Variants in RHOBTB3 observed in about 807,000 individuals in gnomAD.
RHOBTB3 encodes rho-related BTB domain-containing protein 3.
In RHOBTB3, 47 loss-of-function variants were observed where a neutral mutation model predicts 67.2. That is an observed-to-expected ratio of 0.70 (90% confidence interval 0.55 to 0.89). RHOBTB3 has a LOEUF of 0.89. RHOBTB3 is among the 40% of genes least tolerant of loss of function. The probability of loss-of-function intolerance (pLI) is 0.00; values close to 1 mark genes in which losing one functional copy is unlikely to be tolerated. For missense variants in RHOBTB3, 631 were observed against 750.0 expected, an observed-to-expected ratio of 0.84 and a Z score of 1.85; for synonymous variants, 273 against 274.2, an observed-to-expected ratio of 1.00 and a Z score of 0.04.
At chr5:95,745,524 G>T (rs770526665) in intron 3 of RHOBTB3, among the ~76,000 whole-genome samples, 1 of 152,034 alleles carries the variant, frequency 6.6e-6, no homozygotes, top group Non-Finnish European at 1.5e-5. Flanking sequence ...TAGAATTTTT[G>T]AAAAGAATTT....
At chr5:95,743,354 C>G (rs1483842051) in intron 3 of RHOBTB3, among the ~76,000 whole-genome samples, 9 of 152,102 alleles carry the variant, frequency 5.9e-5, no homozygotes, top group Admixed American at 5.9e-4. Context: ...CACCCAGGAT[C>G]AACAGGCTTG....
chr5:95,751,049 T>C (rs1050826360), intron 4 of RHOBTB3, among the ~76,000 whole-genome samples: 1 of 152,216 alleles, frequency 6.6e-6, no homozygotes, highest in Non-Finnish European at 1.5e-5. Flanking sequence ...TATTTAGGTG[T>C]GTGGTGGGTG....
At chr5:95,740,040 G>A (rs546254978) in intron 3 of RHOBTB3, among the ~76,000 whole-genome samples, 34 of 152,224 alleles carry the variant, frequency 2.2e-4, no homozygotes, top group African/African-American at 5.3e-4. Context: ...TCATGGGAGC[G>A]GGTTTTTCCT....
At position 95,769,689 on chromosome 5, in the gene RHOBTB3, G is replaced by A. The variant is rs114649656; in HGVS notation, c.1282+1523G>A. ...TTTTTGCATATCTTATTAATGTATC[G>A]AATAATTAGGCTAAATTTTTGCATA... On this transcript the variant is annotated intron_variant, in intron 8 of 11. Transcript: ENST00000379982. 956 of 169,982 alleles carry A rather than the reference G, an allele frequency of 5.6e-3. 5 individuals are homozygous for A. The highest frequency in any genetic ancestry group is 0.018 in the South Asian group (122 of 6,778). 10.5% of individuals were successfully genotyped at this position (169,982 alleles called of 1,614,324 possible).
chr5:95,726,337 T>G (rs1755051016), upstream of RHOBTB3, among the ~76,000 whole-genome samples: 1 of 152,246 alleles, frequency 6.6e-6, no homozygotes, highest in Admixed American at 6.5e-5. Context: ...CAGAAGAGAC[T>G]TTGTAGCATT....
intron 8 of RHOBTB3, among the ~76,000 whole-genome samples, chr5:95,771,435 C>T (rs551310934): frequency 2.6e-5 from 4 of 152,264 alleles, no homozygotes; most frequent in East Asian, 3.9e-4. Flanking sequence ...ATGTACCTTC[C>T]GACAAGCCAC....
At chr5:95,784,109 CA>C (rs1746149845) in intron 10 of RHOBTB3, 146 bp downstream of exon 10, 11 of 611,636 alleles carry the variant, frequency 1.8e-5, no homozygotes, top group Non-Finnish European at 2.9e-5. Flanking sequence ...GCCTTCACAA[CA>C]GTTTATCTGG....
At chr5:95,738,684 A>G (rs1399321335) in intron 3 of RHOBTB3, among the ~76,000 whole-genome samples, 1 of 152,140 alleles carries the variant, frequency 6.6e-6, no homozygotes, top group Non-Finnish European at 1.5e-5. Context: ...TGGACATCTC[A>G]GCCTCCAGAA....
chr5:95,784,138 G>A (rs11738579), intron 10 of RHOBTB3, among the ~76,000 whole-genome samples, 175 bp downstream of exon 10: 31,897 of 152,176 alleles, frequency 0.21, 3,389 homozygotes, highest in South Asian at 0.27. Flanking sequence ...ATTTTGAAGC[G>A]TTAGGGTTTG....
intron 7 of RHOBTB3, among the ~76,000 whole-genome samples, chr5:95,766,540 A>G (rs1745547752): frequency 6.6e-6 from 1 of 151,930 alleles, no homozygotes; most frequent in Non-Finnish European, 1.5e-5. Flanking sequence ...TTTGGGTAAC[A>G]CTACCTGAAA....
rs75616953 is a variant in RHOBTB3 at position 95,795,608 on chromosome 5, A to G, written c.*2434A>G. 1 of 152,174 alleles carries G rather than the reference A, an allele frequency of 6.6e-6. No individual in the cohort carries two copies. The highest frequency in any genetic ancestry group is 2.1e-4 in the South Asian group (1 of 4,834). The allele number at this position is 152,174 out of a possible 1,614,324, so 9.4% of individuals were successfully genotyped here. A position where few individuals can be genotyped will look rare whatever the true frequency, so the allele number is the denominator to read the frequency against. ...TTGGTGTGGAGTGTGTAGTTTTGTT[A>G]TGAAAGTTCTCTACCACCTACCTGT... On this transcript the variant is annotated 3_prime_UTR_variant, in exon 12 of 12. Transcript: ENST00000379982.
At chr5:95,789,974 G>A (rs115378918) in intron 11 of RHOBTB3, among the ~76,000 whole-genome samples, 13 of 152,260 alleles carry the variant, frequency 8.5e-5, no homozygotes, top group East Asian at 7.7e-4. Flanking sequence ...GCAACATAAC[G>A]AGACTTCTGT....
intron 2 of RHOBTB3, among the ~76,000 whole-genome samples, chr5:95,735,803 G>T (rs2545639): frequency 0.47 from 71,247 of 151,974 alleles, 17,375 homozygotes; most frequent in East Asian, 0.83. Context: ...AAAATTATAT[G>T]TAAAATATCA....
chr5:95,718,661 A>G (rs573521552), intron 1 of RHOBTB3, among the ~76,000 whole-genome samples: 4 of 152,368 alleles, frequency 2.6e-5, no homozygotes, highest in African/African-American at 7.2e-5. Context: ...GATTTTCTAC[A>G]GCAATATTTT....
At chr5:95,790,966 C>T (rs1392525599) in intron 11 of RHOBTB3, among the ~76,000 whole-genome samples, 1 of 152,146 alleles carries the variant, frequency 6.6e-6, no homozygotes, top group African/African-American at 2.4e-5. Context: ...TGTGGCTTGG[C>T]GCTGACGGCC....
intron 8 of RHOBTB3, chr5:95,769,641 T>C (rs1350209358): frequency 1.2e-5 from 2 of 165,218 alleles, no homozygotes; most frequent in Non-Finnish European, 2.6e-5. Flanking sequence ...CTAATTTTTG[T>C]GTACCTTATT....
rs58735392 is a variant in RHOBTB3 at position 95,742,279 on chromosome 5, C to T, written c.415+5204C>T. 4.4e-3 allele frequency among the ~76,000 whole-genome samples: 667 copies of T among 152,228 alleles called. 8 individuals carry two copies. The highest frequency in any genetic ancestry group is 0.015 in the African/African-American group (633 of 41,522). On this transcript the variant is annotated intron_variant, in intron 3 of 11. Transcript: ENST00000379982. The stretch of plus-strand genomic sequence containing the variant: ...GATGCCCTTATTTCAATCTGGTATT[C>T]GTATCTCATTTCAATAACTTTTTCT...
At chr5:95,784,571 T>C (rs1307857594) in intron 10 of RHOBTB3, among the ~76,000 whole-genome samples, 1 of 152,180 alleles carries the variant, frequency 6.6e-6, no homozygotes, top group East Asian at 1.9e-4. Context: ...TTGTTTTCAA[T>C]AATTATATCA....
chr5:95,792,393 AAAAAAAAAAG>A (rs1746428133), intron 11 of RHOBTB3, among the ~76,000 whole-genome samples: 1 of 129,074 alleles, frequency 7.7e-6, no homozygotes, highest in Non-Finnish European at 1.6e-5. Context: ...TCTCAGAAAA[AAAAAAAAAAG>A]AAAAGAAAAG....
Sources: allele counts gnomAD v4.1 joint callset (sites outside exome capture counted in the v4.1 genomes callset), GRCh38; gene constraint gnomAD v4.1.1; transcripts MANE v1.5; gene names NCBI Gene and HGNC (gene_info 2026-07-23, HGNC 2026-07-21).